Variants in COL23A1 observed in about 807,000 individuals in gnomAD.
COL23A1 encodes collagen alpha-1(XXIII) chain.
A neutral mutation model predicts 99.3 loss-of-function variants in COL23A1; 97 were observed. That is an observed-to-expected ratio of 0.98 (90% CI 0.83 to 1.16). The LOEUF is 1.16. Among genes scored for constraint, COL23A1 ranks in the 50% most tolerant of loss-of-function variants. The probability of loss-of-function intolerance (pLI) is 0.00; values close to 1 mark genes in which losing one functional copy is unlikely to be tolerated. For synonymous variants in COL23A1, 320 were observed against 308.2 expected (o/e 1.04, Z -0.40); for missense variants, 762 against 757.4 (o/e 1.01, Z -0.07).
At chr5:178,425,051 T>C (rs1377766635) in intron 2 of COL23A1, among the ~76,000 whole-genome samples, 4 of 152,196 alleles carry the variant, frequency 2.6e-5, no homozygotes, top group Admixed American at 6.5e-5. Context: ...ATAGAATTTC[T>C]TCCTCTGTAA....
chr5:178,428,754 AT>A lies in COL23A1; in HGVS notation c.362-121836del, dbSNP rs1766087880. On this transcript the variant is annotated intron_variant, in intron 2 of 28. Transcript: ENST00000390654. This position sits in a 1 kb window ranked among gnomAD's most constrained non-coding sequence, Gnocchi z 5.0. ...CTGTGATCATTCATTTCAGGGCCTC[AT>A]TTTGTTCCTGAACTGGGCTCAGTGT... Among the ~76,000 whole-genome samples the A allele has an allele frequency of 6.6e-6, 1 of 152,090 alleles. No homozygotes were observed. The highest frequency in any genetic ancestry group is 1.9e-4 in the East Asian group (1 of 5,180).
intron 2 of COL23A1, among the ~76,000 whole-genome samples, chr5:178,358,402 T>TATGTGTGTA: frequency 8.3e-6 from 1 of 120,796 alleles, no homozygotes; most frequent in Non-Finnish European, 1.9e-5. Context: ...TGTGTATGTG[T>TATGTGTGTA]ATGTGTGTAT....
Position 178,260,794 on chromosome 5 carries a change from C to CA in COL23A1, c.702+927dup, listed in dbSNP as rs200635856. Among the ~76,000 whole-genome samples the CA allele has an allele frequency of 3.4e-3, 515 of 150,724 alleles. 1 individual carries two copies. Among genetic ancestry groups the CA allele is most frequent in the African/African-American group, 0.011 (471 of 41,086 alleles). On this transcript the variant is annotated intron_variant, in intron 11 of 28. Transcript: ENST00000390654. ...GGGCGACAAGAGCAAGACTCCATCT[C>CA]AAAAAAAAAGATAAAAGATCAGTGG...
rs535195818 is a variant in COL23A1, at chr5:178,513,258, G to A, written c.361+47424C>T. ...GCTTTACTGCACTACCATGCACTGT[G>A]CCGAGTGCTGCCCCTTCTTAACTCA... On this transcript the variant is annotated intron_variant, in intron 2 of 28. Transcript: ENST00000390654. Among the ~76,000 whole-genome samples, 13 of 152,324 alleles carry A rather than the reference G, an allele frequency of 8.5e-5. 1 individual carries two copies. In the South Asian group the frequency reaches 2.7e-3, roughly 32 times the overall value.
chr5:178,260,754 AT>A (rs907365300), intron 11 of COL23A1, among the ~76,000 whole-genome samples: 1 of 152,230 alleles, frequency 6.6e-6, no homozygotes, highest in Non-Finnish European at 1.5e-5. Context: ...AGATTGTGCC[AT>A]TGCACTCCAG....
intron 2 of COL23A1, among the ~76,000 whole-genome samples, chr5:178,426,466 G>T (rs188095454): frequency 6.6e-6 from 1 of 152,162 alleles, no homozygotes; most frequent in Non-Finnish European, 1.5e-5. Context: ...ACACTCCCAC[G>T]CATGTCCCAC....
At chr5:178,584,308 CCACACACACACACACACA>C in intron 1 of COL23A1, among the ~76,000 whole-genome samples, 1 of 145,140 alleles carries the variant, frequency 6.9e-6, no homozygotes, top group African/African-American at 2.5e-5. Flanking sequence ...CTGCACCTGG[CCACACACACACACACACA>C]CACACACACA....
chr5:178,563,260 G>GCCC (rs1562094242), intron 1 of COL23A1, among the ~76,000 whole-genome samples: 1 of 152,100 alleles, frequency 6.6e-6, no homozygotes, highest in African/African-American at 2.4e-5. Context: ...GGATGGAGCT[G>GCCC]CCCAGCTGTC....
At position 178,493,916 on chromosome 5, in the gene COL23A1, C is replaced by T. The variant is rs376846757; in HGVS notation, c.361+66766G>A. On this transcript the variant is annotated intron_variant, in intron 2 of 28. Transcript: ENST00000390654. ...TGACAGGCCACAAGTCACTGCCAAT[C>T]CAAAACCTACTCTTTCACAAATCCC... is the stretch of plus-strand genomic sequence containing the variant. 1.2e-4 allele frequency among the ~76,000 whole-genome samples: 19 copies of T among 152,342 alleles called. 1 individual carries two copies. The highest frequency in any genetic ancestry group is 4.6e-4 in the African/African-American group (19 of 41,582).
rs1764158552 is a variant in COL23A1 at position 178,589,457 on chromosome 5, C to T, written c.294+447G>A. Among the ~76,000 whole-genome samples the T allele has an allele frequency of 6.6e-6, 1 of 152,170 alleles. No individual in the cohort carries two copies. The highest frequency in any genetic ancestry group is 2.4e-5 in the African/African-American group (1 of 41,454). The stretch of plus-strand genomic sequence containing the variant: ...CGGGCCTGTCTGAGGCTTTCCTCCG[C>T]CGTGACCACCGCCTCTCCAGGTGTA... On this transcript the variant is annotated intron_variant, in intron 1 of 28. Coordinates refer to ENST00000390654, the MANE Select transcript of COL23A1 (RefSeq NM_173465.4). This position sits in a 1 kb window ranked among gnomAD's most constrained non-coding sequence, Gnocchi z 5.4.
In COL23A1 at chr5:178,365,146, T is replaced by C. The variant is rs1249366736; in HGVS notation, c.362-58227A>G. ...ATGTTGCTGTGTGTGCGTGTGTGTGTGTGTGTGTGTGTGTGTGTGTGTGTG... is the reference window on the plus strand; with the variant it reads ...ATGTTGCTGTGTGTGCGTGTGTGTGCGTGTGTGTGTGTGTGTGTGTGTGTG... On this transcript the variant is annotated intron_variant, in intron 2 of 28. Coordinates refer to ENST00000390654, the MANE Select transcript of COL23A1 (RefSeq NM_173465.4). This position sits in a 1 kb window ranked among gnomAD's most constrained non-coding sequence, Gnocchi z 5.2. Among the ~76,000 whole-genome samples, 6 of 151,596 alleles carry C rather than the reference T, an allele frequency of 4.0e-5. No homozygotes were observed. Among genetic ancestry groups the C allele is most frequent in the African/African-American group, 9.7e-5 (4 of 41,326 alleles).
chr5:178,508,127 T>A (rs543138663), intron 2 of COL23A1, among the ~76,000 whole-genome samples: 2 of 152,340 alleles, frequency 1.3e-5, no homozygotes, highest in East Asian at 3.9e-4. Flanking sequence ...CTCTGTCATC[T>A]CTGTCCTGCT....
intron 2 of COL23A1, chr5:178,345,389 C>T (rs1760905473): frequency 4.8e-6 from 2 of 415,992 alleles, no homozygotes; most frequent in East Asian, 5.6e-5. Context: ...TTTGAAACTT[C>T]ACCATGTGAA....
chr5:178,524,873 T>A (rs1380568119), intron 2 of COL23A1, among the ~76,000 whole-genome samples: 1 of 152,240 alleles, frequency 6.6e-6, no homozygotes, highest in African/African-American at 2.4e-5. Flanking sequence ...CAGTCATTCA[T>A]TCATTCAACA....
At chr5:178,466,848 C>T (rs973842341) in intron 2 of COL23A1, among the ~76,000 whole-genome samples, 1 of 152,206 alleles carries the variant, frequency 6.6e-6, no homozygotes, top group Admixed American at 6.5e-5. Context: ...GCTGGGCACA[C>T]GGAAGTCCGA....
In COL23A1 at chr5:178,246,301, C is replaced by A. The variant is rs772772151; in HGVS notation, c.1366G>T (p.Val456Phe). Reference sequence around the variant, plus strand: ...AGCCCAATAAGGCCCGGTGGGCCAACTGGCCCCTGGATAGAAAAGGAATGA... The same window carrying A: ...AGCCCAATAAGGCCCGGTGGGCCAAATGGCCCCTGGATAGAAAAGGAATGA... ...ERGPSGLPGP[V>F]GPPGLIGLPG... Residue 456 changes from valine (V) to phenylalanine (F), a missense_variant, in exon 24 of 29, where the codon GTT becomes TTT. Transcript: ENST00000390654. 6 of 1,556,238 alleles carry A rather than the reference C, an allele frequency of 3.9e-6. No individual in the cohort carries two copies. In the South Asian group the frequency reaches 4.7e-5, roughly 12 times the overall value.
chr5:178,259,860 GC>G, intron 11 of COL23A1, 113 bp from the exon 12 acceptor site: 1 of 976,178 alleles, frequency 1.0e-6, no homozygotes, highest in Non-Finnish European at 1.5e-6. Flanking sequence ...CGTGCCCAGG[GC>G]CAGCCCAGAG....
chr5:178,452,859 A>G (rs55662845), intron 2 of COL23A1, among the ~76,000 whole-genome samples: 36,710 of 152,200 alleles, frequency 0.24, 5,244 homozygotes, highest in Middle Eastern at 0.34. Flanking sequence ...CAATTTGTCA[A>G]TGTCCGTCAA....
chr5:178,401,846 G>A (rs1054997539), intron 2 of COL23A1, among the ~76,000 whole-genome samples: 10 of 151,920 alleles, frequency 6.6e-5, no homozygotes, highest in African/African-American at 1.9e-4. Context: ...ATGGAGTCTC[G>A]CTCTTGTTGC....
Sources: gnomAD v4.1 joint callset for allele counts (sites outside exome capture counted in the v4.1 genomes callset) on GRCh38, gnomAD v4.1.1 for gene constraint, Gnocchi (gnomAD v3.1) non-coding constraint, MANE v1.5 for transcripts, NCBI Gene and HGNC (gene_info 2026-07-23, HGNC 2026-07-21) for gene names.